FLVCR2: variants seen among roughly 807,000 people sequenced by gnomAD.
FLVCR2 encodes the protein FLVCR choline and putative heme transporter 2.
A neutral mutation model predicts 48.9 loss-of-function variants in FLVCR2; 38 were observed. The observed-to-expected ratio is 0.78, with a 90% CI of 0.60 to 1.02. The LOEUF (loss-of-function observed/expected upper bound fraction) is 1.02, where lower values mean the gene tolerates loss of function less well. FLVCR2 is among the 50% of genes least tolerant of loss of function. The pLI is 0.00. For missense variants in FLVCR2, 664 were observed against 663.3 expected, an observed-to-expected ratio of 1.00 and a Z score of -0.01; for synonymous variants, 255 against 257.0, an observed-to-expected ratio of 0.99 and a Z score of 0.07.
At chr14:75,618,473 T>G (rs1481750311) in intron 1 of FLVCR2, among the ~76,000 whole-genome samples, 2 of 152,252 alleles carry the variant, frequency 1.3e-5, no homozygotes, top group Non-Finnish European at 2.9e-5. Flanking sequence ...CCATGAATTT[T>G]GTATTTTGCC....
At chr14:75,629,666 C>A (rs1889991460) in intron 3 of FLVCR2, among the ~76,000 whole-genome samples, 1 of 152,026 alleles carries the variant, frequency 6.6e-6, no homozygotes. Flanking sequence ...ATTCACATGG[C>A]CTCCTCTAAT....
Position 75,578,936 on chromosome 14 carries a change from TCAC to T in FLVCR2, c.-33_-31del. 1 of 1,608,918 alleles carries T rather than the reference TCAC, an allele frequency of 6.2e-7. No homozygotes were observed. Among genetic ancestry groups the T allele is most frequent in the Non-Finnish European group, 8.5e-7 (1 of 1,175,394 alleles). ...CTGTCCCTTAAGACTGCCGGAGTCC[TCAC>T]CACTTCTCCAGGATTCCAGAGGAGA... On this transcript the variant is annotated 5_prime_UTR_variant, in exon 1 of 10. Transcript: ENST00000238667.
rs563491422 is a variant in FLVCR2 at position 75,647,883 on chromosome 14, A to C, written c.*1411A>C. The C allele has an allele frequency of 1.3e-5, 2 of 151,852 alleles. No individual in the cohort carries two copies. Among genetic ancestry groups the C allele is most frequent in the South Asian group, 2.1e-4 (1 of 4,786 alleles). The allele number at this position is 151,852 out of a possible 1,614,324, so 9.4% of individuals were successfully genotyped here. On this transcript the variant is annotated 3_prime_UTR_variant, in exon 10 of 10. Coordinates refer to ENST00000238667, the MANE Select transcript of FLVCR2 (RefSeq NM_017791.3). ...AGGAGCCAGGTTTGTGTGTGTCTGC[A>C]TGTGTGTGTGTGTGTGTTTGTACAG...
chr14:75,626,634 G>A (rs954940329), intron 3 of FLVCR2, among the ~76,000 whole-genome samples: 2 of 151,892 alleles, frequency 1.3e-5, no homozygotes, highest in Admixed American at 6.6e-5. Flanking sequence ...GTCCAACTAA[G>A]GAAGTTACAA....
intron 2 of FLVCR2, 117 bp from the exon 3 acceptor site, chr14:75,624,495 T>C: frequency 8.4e-7 from 1 of 1,189,332 alleles, no homozygotes. Context: ...GAATTACTAT[T>C]TCCTTTGGGA....
chr14:75,632,189 T>C (rs1890059872), intron 3 of FLVCR2, among the ~76,000 whole-genome samples: 1 of 152,228 alleles, frequency 6.6e-6, no homozygotes, highest in Non-Finnish European at 1.5e-5. Flanking sequence ...TGAGTTCAAA[T>C]CCAGCTCCAT....
Position 75,609,753 on chromosome 14 carries a change from A to C in FLVCR2, c.670-12326A>C, listed in dbSNP as rs145447394. Among the ~76,000 whole-genome samples the C allele has an allele frequency of 9.2e-5, 14 of 152,344 alleles. No individual in the cohort carries two copies. In the East Asian group the frequency reaches 2.7e-3, roughly 29 times the overall value. ...GAAAGTCCATCCAGATTTAGAAGGA[A>C]ACATGGGAGGATTAGAAACATTGGT... On this transcript the variant is annotated intron_variant, in intron 1 of 9. Coordinates refer to ENST00000238667, the MANE Select transcript of FLVCR2 (RefSeq NM_017791.3).
Position 75,618,804 on chromosome 14 carries a change from G to A in FLVCR2, c.670-3275G>A, listed in dbSNP as rs373236857. 4.6e-5 allele frequency among the ~76,000 whole-genome samples: 7 copies of A among 152,024 alleles called. No individual in the cohort carries two copies. The East Asian group carries it at 1.4e-3, about 29-fold the overall frequency. On this transcript the variant is annotated intron_variant, in intron 1 of 9. Coordinates refer to ENST00000238667, the MANE Select transcript of FLVCR2 (RefSeq NM_017791.3). Reference sequence around the variant, plus strand: ...AGGCAGCAAAGTGAGCCTGGGTTCTGACATCAGACAGAACTGGCTTAGGAG... The same window carrying A: ...AGGCAGCAAAGTGAGCCTGGGTTCTAACATCAGACAGAACTGGCTTAGGAG...
At chr14:75,632,624 T>A in intron 3 of FLVCR2, 1 of 702,306 alleles carries the variant, frequency 1.4e-6, no homozygotes, top group South Asian at 1.5e-5. Flanking sequence ...TTGGTTCCAT[T>A]GAAGAGGAAC....
intron 4 of FLVCR2, 104 bp downstream of exon 4, chr14:75,633,800 T>A: frequency 1.1e-6 from 1 of 891,862 alleles, no homozygotes; most frequent in Non-Finnish European, 1.9e-6. Context: ...CCCCCAGTTC[T>A]AGGTAGGGTG....
rs199805789 is a variant in FLVCR2, at chr14:75,579,258, A to G, written c.286A>G (p.Met96Val). The part of the protein sequence containing the change: ...AVVLVFSCYS[M>V]CNSFQWIQYG... ...GGTCCTGGTGTTTAGCTGCTACTCC[A>G]TGTGCAACTCCTTTCAGTGGATCCA... The change falls in exon 1 of 10, where the codon ATG becomes GTG. Residue 96 changes from methionine to valine, a missense_variant. By Grantham distance (21) the Met-to-Val change is conservative (BLOSUM62 1). Coordinates refer to ENST00000238667, the MANE Select transcript of FLVCR2 (RefSeq NM_017791.3). 287 of 1,614,148 alleles carry G rather than the reference A, an allele frequency of 1.8e-4. 1 individual carries two copies. Among genetic ancestry groups the G allele is most frequent in the Middle Eastern group, 1.6e-3 (10 of 6,062 alleles).
At chr14:75,642,008 T>C in intron 9 of FLVCR2, 110 bp downstream of exon 9, 1 of 965,986 alleles carries the variant, frequency 1.0e-6, no homozygotes, top group South Asian at 1.3e-5. Context: ...GGTTTTGTCA[T>C]AGCTGGGAGA....
intron 6 of FLVCR2, among the ~76,000 whole-genome samples, chr14:75,639,969 A>G (rs1458772403): frequency 6.6e-6 from 1 of 152,226 alleles, no homozygotes; most frequent in Non-Finnish European, 1.5e-5. Flanking sequence ...AATGTAAGAA[A>G]TTAAAGTTGC....
At chr14:75,605,636 T>TCTTA (rs1889271982) in intron 1 of FLVCR2, 4 of 1,535,408 alleles carry the variant, frequency 2.6e-6, no homozygotes, top group Non-Finnish European at 2.6e-6. Context: ...TGAGGATAGA[T>TCTTA]CTTACTTCCT....
rs564868098 is a variant in FLVCR2 at position 75,595,759 on chromosome 14, T to C, written c.669+16118T>C. On this transcript the variant is annotated intron_variant, in intron 1 of 9. Coordinates refer to ENST00000238667, the MANE Select transcript of FLVCR2 (RefSeq NM_017791.3). ...GAAAGTGTTTAGTTTATTAATATTC[T>C]TGTGAAAAATCCACAATGGCCACAG... 7.5e-5 allele frequency: 51 copies of C among 682,314 alleles called. No homozygotes were observed. The South Asian group carries it at 8.2e-4, about 11-fold the overall frequency. 42.3% of individuals were successfully genotyped at this position (682,314 alleles called of 1,614,324 possible).
At chr14:75,636,162 G>C (rs559605745) in intron 5 of FLVCR2, among the ~76,000 whole-genome samples, 2 of 152,154 alleles carry the variant, frequency 1.3e-5, no homozygotes, top group African/African-American at 4.8e-5. Context: ...CGGCTGCTCT[G>C]TCAAGGCCTC....
chr14:75,601,066 C>G (rs1006091316), intron 1 of FLVCR2, among the ~76,000 whole-genome samples: 1 of 152,164 alleles, frequency 6.6e-6, no homozygotes, highest in Non-Finnish European at 1.5e-5. Context: ...AGCCGAGAAC[C>G]CCCAACAAAG....
At chr14:75,595,406 G>A (rs1355337732) in intron 1 of FLVCR2, among the ~76,000 whole-genome samples, 1 of 152,208 alleles carries the variant, frequency 6.6e-6, no homozygotes, top group Non-Finnish European at 1.5e-5. Context: ...CAGGCCTTGA[G>A]GAGGTTGTGT....
At chr14:75,617,135 T>C (rs939418113) in intron 1 of FLVCR2, among the ~76,000 whole-genome samples, 1 of 152,138 alleles carries the variant, frequency 6.6e-6, no homozygotes, top group African/African-American at 2.4e-5. Flanking sequence ...GCATAGCATG[T>C]GTGTTGTGTT....
Sources: gnomAD v4.1 joint callset for allele counts (sites outside exome capture counted in the v4.1 genomes callset) on GRCh38, gnomAD v4.1.1 for gene constraint, MANE v1.5 for transcripts, NCBI Gene and HGNC (gene_info 2026-07-23, HGNC 2026-07-21) for gene names.